Variants in DDX47 observed in about 807,000 individuals in gnomAD.
DDX47 encodes the protein DEAD-box helicase 47.
DDX47 carries 60 observed loss-of-function variants against 58.8 expected under a neutral mutation model. That is an observed-to-expected ratio of 1.02 (90% CI 0.83 to 1.26). DDX47 has a LOEUF of 1.26. Ranked by LOEUF, DDX47 falls within the 50% of genes most tolerant of loss-of-function variation. The probability of loss-of-function intolerance (pLI) is 0.00; values close to 1 mark genes in which losing one functional copy is unlikely to be tolerated. For missense variants in DDX47, 530 were observed against 573.2 expected, an observed-to-expected ratio of 0.92 and a Z score of 0.77; for synonymous variants, 197 against 204.6, an observed-to-expected ratio of 0.96 and a Z score of 0.32.
At position 12,827,361 on chromosome 12, in the gene DDX47, A is replaced by T; in HGVS notation, c.1222A>T (p.Arg408Trp). The T allele has an allele frequency of 3.7e-6, 6 of 1,614,124 alleles. No individual in the cohort carries two copies. The highest frequency in any genetic ancestry group is 5.1e-6 in the Non-Finnish European group (6 of 1,179,996). Reference sequence around the variant, plus strand: ...GACAGAACGCGTCGCTGAAGCCCAAAGGTTTGCCCGAATGGTATGCATCTT... The same window carrying T: ...GACAGAACGCGTCGCTGAAGCCCAATGGTTTGCCCGAATGGTATGCATCTT... ...MLTERVAEAQ[R>W]FARMELREHG... The change falls in exon 11 of 12, where the codon AGG becomes TGG. Residue 408 changes from arginine (R) to tryptophan (W), a missense_variant. Arg to Trp is a moderately radical substitution (Grantham distance 101). Transcript: ENST00000358007.
chr12:12,814,348 G>A, intron 2 of DDX47, 124 bp downstream of exon 2: 1 of 678,010 alleles, frequency 1.5e-6, no homozygotes, highest in Non-Finnish European at 2.7e-6. Context: ...ACAAAGTTTG[G>A]GTAATGGTAT....
At chr12:12,827,214 G>A in intron 10 of DDX47, 32 bp from the exon 11 acceptor site, 1 of 1,603,718 alleles carries the variant, frequency 6.2e-7, no homozygotes, top group Non-Finnish European at 8.5e-7. Flanking sequence ...GCGTTACCAG[G>A]CAACCAGAGC....
rs187561448 is a variant in DDX47 at position 12,822,184 on chromosome 12, A to G, written c.561+101A>G. The G allele has an allele frequency of 1.4e-4, 99 of 725,208 alleles. No individual in the cohort carries two copies. The African/African-American group carries it at 1.4e-3, about 11-fold the overall frequency. 44.9% of individuals were successfully genotyped at this position (725,208 alleles called of 1,614,324 possible). On this transcript the variant is annotated intron_variant, in intron 5 of 11. Transcript: ENST00000358007. ...GTTTCATGTAGAACATTGCATTAGT[A>G]TCAGTTTCATTCTTGATATTCTTCA...
chr12:12,828,422 A>C (rs879127636), intron 11 of DDX47, among the ~76,000 whole-genome samples: 1 of 152,198 alleles, frequency 6.6e-6, no homozygotes, highest in African/African-American at 2.4e-5. Context: ...CAAATATTCT[A>C]GAATTAGAAA....
intron 7 of DDX47, 26 bp from the exon 8 acceptor site, chr12:12,823,842 CAT>C (rs754434722): frequency 1.2e-6 from 2 of 1,608,050 alleles, no homozygotes; most frequent in Non-Finnish European, 1.7e-6. Context: ...GGTTCAATGA[CAT>C]ATATTGTTTT....
intron 2 of DDX47, among the ~76,000 whole-genome samples, chr12:12,819,526 C>T (rs1862940087): frequency 6.6e-6 from 1 of 152,124 alleles, no homozygotes; most frequent in Admixed American, 6.6e-5. Flanking sequence ...TCTGTTCTAA[C>T]CCCCACTTTT....
At chr12:12,829,314 G>T in intron 11 of DDX47, 109 bp from the exon 12 acceptor site, 1 of 1,245,202 alleles carries the variant, frequency 8.0e-7, no homozygotes, top group Non-Finnish European at 1.1e-6. Flanking sequence ...GCTAATGTCA[G>T]GCATCAGCAA....
intron 11 of DDX47, among the ~76,000 whole-genome samples, chr12:12,827,970 G>A (rs1228691377): frequency 7.0e-6 from 1 of 143,760 alleles, no homozygotes; most frequent in Non-Finnish European, 1.5e-5. Context: ...CCGCCTCCCG[G>A]GTTCAAGCGA....
At chr12:12,823,182 T>C (rs926223282) in intron 6 of DDX47, 21 bp from the exon 7 acceptor site, 5 of 1,485,336 alleles carry the variant, frequency 3.4e-6, no homozygotes, top group Non-Finnish European at 4.7e-6. Context: ...CAGTGTGCTA[T>C]TCTGGATCTT....
Position 12,823,886 on chromosome 12 carries a change from A to G in DDX47, c.767A>G (p.Tyr256Cys). 6 of 1,614,014 alleles carry G rather than the reference A, an allele frequency of 3.7e-6. No homozygotes were observed. The highest frequency in any genetic ancestry group is 5.1e-6 in the Non-Finnish European group (6 of 1,179,930). ...PSKFKDTYLV[Y>C]ILNELAGNSF... is the part of the protein sequence containing the mutation. Reference sequence around the variant, plus strand: ...GTAACTTAGGATACCTACCTGGTTTATATTCTAAATGAATTGGCTGGAAAC... The same window carrying G: ...GTAACTTAGGATACCTACCTGGTTTGTATTCTAAATGAATTGGCTGGAAAC... Residue 256 changes from tyrosine to cysteine, a missense_variant, in exon 8 of 12, where the codon TAT (tyrosine) becomes TGT (cysteine). Transcript: ENST00000358007.
chr12:12,823,643 A>G, intron 7 of DDX47: 1 of 569,960 alleles, frequency 1.8e-6, no homozygotes. Flanking sequence ...TGATATAAGG[A>G]CTTCTCCTGT....
intron 10 of DDX47, among the ~76,000 whole-genome samples, chr12:12,826,451 C>CT (rs58109281): frequency 0.013 from 1,840 of 144,584 alleles, 24 homozygotes; most frequent in Non-Finnish European, 0.019. Context: ...CCCTCCTTTC[C>CT]TTTTTTTTTT....
chr12:12,814,355 G>T lies in DDX47; in HGVS notation c.181+131G>T, dbSNP rs554655305. 6.5e-5 allele frequency: 43 copies of T among 659,058 alleles called. No individual in the cohort carries two copies. In the African/African-American group the frequency reaches 7.2e-4, roughly 11 times the overall value. The allele number at this position is 659,058 out of a possible 1,614,324, so 40.8% of individuals were successfully genotyped here. On this transcript the variant is annotated intron_variant, in intron 2 of 11. Transcript: ENST00000358007. Reference sequence around the variant, plus strand: ...CTAAAGGTACAAAGTTTGGGTAATGGTATTTGAAAATGTCATTCTCCAATT... The same window carrying T: ...CTAAAGGTACAAAGTTTGGGTAATGTTATTTGAAAATGTCATTCTCCAATT...
rs199912827 is a variant in DDX47, at chr12:12,814,099, C to G, written c.88-32C>G. 5.6e-5 allele frequency: 81 copies of G among 1,449,482 alleles called. No homozygotes were observed. The Admixed American group carries it at 8.7e-4, about 16-fold the overall frequency. 89.8% of individuals were successfully genotyped at this position (1,449,482 alleles called of 1,614,324 possible). A position where few individuals can be genotyped will look rare whatever the true frequency, so the allele number is the denominator to read the frequency against. Reference sequence around the variant, plus strand: ...AGGAGGGAGGTAGGGGTGTGCTGTTCTTGGCTAAGGTATATTTTTCTGAAT... The same window carrying G: ...AGGAGGGAGGTAGGGGTGTGCTGTTGTTGGCTAAGGTATATTTTTCTGAAT... On this transcript the variant is annotated intron_variant, in intron 1 of 11. Transcript: ENST00000358007.
In DDX47 at chr12:12,813,490, C is replaced by G. The variant is rs752960784; in HGVS notation, c.87+36C>G. ...ATGACGCTGGCTTCTTTTATGTACT[C>G]TGGTGCTAGGCTCAGGGAGACCCCA... is the stretch of plus-strand genomic sequence containing the variant. On this transcript the variant is annotated intron_variant, in intron 1 of 11. Coordinates refer to ENST00000358007, the MANE Select transcript of DDX47 (RefSeq NM_016355.4). The G allele has an allele frequency of 1.9e-5, 30 of 1,558,424 alleles. No individual in the cohort carries two copies. In the Middle Eastern group the frequency reaches 1.0e-3, roughly 52 times the overall value.
intron 7 of DDX47, 184 bp downstream of exon 7, chr12:12,823,503 C>T: frequency 1.7e-6 from 1 of 593,870 alleles, no homozygotes; most frequent in Non-Finnish European, 3.0e-6. Flanking sequence ...ATTCACAACA[C>T]ATTAAATCAC....
At chr12:12,815,364 T>C (rs1288840535) in intron 2 of DDX47, among the ~76,000 whole-genome samples, 2 of 152,198 alleles carry the variant, frequency 1.3e-5, no homozygotes, top group Non-Finnish European at 2.9e-5. Context: ...CCATAAATAG[T>C]TACTATTTGT....
intron 4 of DDX47, 24 bp downstream of exon 4, chr12:12,821,750 G>T (rs1565447123): frequency 6.4e-7 from 1 of 1,557,134 alleles, no homozygotes; most frequent in African/African-American, 1.4e-5. Context: ...AAAGGTAAAA[G>T]ACACTGGCAG....
chr12:12,824,693 A>G lies in DDX47; in HGVS notation c.1035+16A>G, dbSNP rs758616133. 6 of 1,611,672 alleles carry G rather than the reference A, an allele frequency of 3.7e-6. No homozygotes were observed. Among genetic ancestry groups the G allele is most frequent in the Non-Finnish European group, 5.1e-6 (6 of 1,178,374 alleles). ...CCATTCCAAGGTGAGTCCTATTGCTAACTTACCTTTCTAGTCCTAAAGTGT... is the reference window on the plus strand; with the variant it reads ...CCATTCCAAGGTGAGTCCTATTGCTGACTTACCTTTCTAGTCCTAAAGTGT... On this transcript the variant is annotated intron_variant, in intron 9 of 11. Transcript: ENST00000358007.
Sources: allele counts gnomAD v4.1 joint callset (sites outside exome capture counted in the v4.1 genomes callset), GRCh38; gene constraint gnomAD v4.1.1; transcripts MANE v1.5; gene names NCBI Gene and HGNC (gene_info 2026-07-23, HGNC 2026-07-21).